The following NUP153 variants were observed in gnomAD, a reference collection of about 807,000 sequenced individuals.
NUP153 encodes the protein nuclear pore complex protein Nup153.
In NUP153, 27 loss-of-function variants were observed where a neutral mutation model predicts 134.6. That is an observed-to-expected ratio of 0.20 (90% confidence interval 0.15 to 0.28). The LOEUF (loss-of-function observed/expected upper bound fraction) is 0.28, where lower values mean the gene tolerates loss of function less well. NUP153 is among the 10% of genes least tolerant of loss of function. The probability of loss-of-function intolerance (pLI) is 1.00; values close to 1 mark genes in which losing one functional copy is unlikely to be tolerated. For synonymous variants in NUP153, 640 were observed against 623.5 expected (o/e 1.03, Z -0.40); for missense variants, 1,821 against 1,731.3 (o/e 1.05, Z -0.92).
At chr6:17,664,627 T>C (rs1044522834) in intron 9 of NUP153, among the ~76,000 whole-genome samples, 1 of 152,170 alleles carries the variant, frequency 6.6e-6, no homozygotes, top group Non-Finnish European at 1.5e-5. Context: ...CAAAAGATAA[T>C]GTCTGAAATT....
chr6:17,701,842 G>GC (rs1554148673), intron 1 of NUP153, among the ~76,000 whole-genome samples: 1 of 102,912 alleles, frequency 9.7e-6, no homozygotes, highest in African/African-American at 3.6e-5. Context: ...CGGGGGGGGG[G>GC]GGAAAAAAGC....
chr6:17,619,227 A>G (rs1437890849), intron 20 of NUP153, among the ~76,000 whole-genome samples: 1 of 152,358 alleles, frequency 6.6e-6, no homozygotes, highest in South Asian at 2.1e-4. Flanking sequence ...ATGATTTCCA[A>G]TCTACATCTA....
At chr6:17,651,850 T>C in intron 11 of NUP153, 1 of 661,082 alleles carries the variant, frequency 1.5e-6, no homozygotes, top group South Asian at 1.6e-5. Context: ...TCTCAGCACT[T>C]TGAGAGGCCA....
rs771188253 is a variant in NUP153 at position 17,646,151 on chromosome 6, C to T, written c.1636G>A (p.Gly546Arg). The T allele has an allele frequency of 2.6e-6, 4 of 1,555,622 alleles. No homozygotes were observed. Among genetic ancestry groups the T allele is most frequent in the Non-Finnish European group, 3.5e-6 (4 of 1,128,094 alleles). ...EANVLPPSSI[G>R]FTFSVPVAKT... ...GCAACAGGCACACTAAATGTAAATC[C>T]AATCTGTAAAGAGAAAGAATATCCT... Residue 546 changes from glycine (G) to arginine (R), a missense_variant, in exon 14 of 22, where the codon GGA becomes AGA. Gly to Arg is a moderately radical substitution (Grantham distance 125). Transcript: ENST00000262077.
intron 11 of NUP153, among the ~76,000 whole-genome samples, chr6:17,658,881 A>C (rs1434000085): frequency 6.6e-6 from 1 of 152,208 alleles, no homozygotes; most frequent in Non-Finnish European, 1.5e-5. Context: ...CTTGCACACA[A>C]AAAAAGGCCA....
intron 1 of NUP153, among the ~76,000 whole-genome samples, chr6:17,696,579 C>T (rs1374480141): frequency 6.6e-6 from 1 of 151,984 alleles, no homozygotes; most frequent in Non-Finnish European, 1.5e-5. Flanking sequence ...CACGGTGAAA[C>T]CCCGTCTCTA....
chr6:17,652,597 AAC>A (rs1766565167), intron 11 of NUP153, among the ~76,000 whole-genome samples: 1 of 152,220 alleles, frequency 6.6e-6, no homozygotes, highest in South Asian at 2.1e-4. Flanking sequence ...TAAAATTTAG[AAC>A]ATCTGCCAAT....
At chr6:17,669,220 AG>A in intron 7 of NUP153, 72 bp downstream of exon 7, 3 of 1,258,350 alleles carry the variant, frequency 2.4e-6, no homozygotes, top group Non-Finnish European at 3.5e-6. Context: ...CTGGGACTAC[AG>A]GTGTGCACCA....
chr6:17,694,419 G>C (rs937032567), intron 1 of NUP153, among the ~76,000 whole-genome samples: 3 of 152,188 alleles, frequency 2.0e-5, no homozygotes, highest in African/African-American at 4.8e-5. Flanking sequence ...AGCACTTCCG[G>C]AGGCCGACGC....
At chr6:17,631,831 G>A (rs1236764746) in intron 17 of NUP153, among the ~76,000 whole-genome samples, 2 of 152,172 alleles carry the variant, frequency 1.3e-5, no homozygotes, top group African/African-American at 2.4e-5. Context: ...GCTAGGCGTG[G>A]TGGCAGGTTC....
chr6:17,621,838 T>C (rs1310986839), intron 20 of NUP153, among the ~76,000 whole-genome samples: 1 of 152,204 alleles, frequency 6.6e-6, no homozygotes, highest in Non-Finnish European at 1.5e-5. Context: ...TTCTGAAATG[T>C]TCCCAACACA....
At chr6:17,624,125 TG>T (rs1444889929) in intron 20 of NUP153, among the ~76,000 whole-genome samples, 1 of 152,212 alleles carries the variant, frequency 6.6e-6, no homozygotes. Context: ...GCAGTTCAAA[TG>T]GAAAGGCTGG....
chr6:17,706,072 C>T lies in NUP153; in HGVS notation c.111+205G>A, dbSNP rs957303361. Among the ~76,000 whole-genome samples the T allele has an allele frequency of 6.6e-6, 1 of 152,212 alleles. No homozygotes were observed. The highest frequency in any genetic ancestry group is 1.5e-5 in the Non-Finnish European group (1 of 68,032). On this transcript the variant is annotated intron_variant, in intron 1 of 21. Transcript: ENST00000262077. This position sits in a 1 kb window ranked among gnomAD's most constrained non-coding sequence, Gnocchi z 5.9. ...GAGTTGGGGGAAAGGCGGCCCAAAC[C>T]ACACGTGTGCGCCGCAAGGCTGGGC...
intron 17 of NUP153, among the ~76,000 whole-genome samples, chr6:17,629,779 A>T (rs1473056958): frequency 6.6e-6 from 1 of 152,210 alleles, no homozygotes; most frequent in Non-Finnish European, 1.5e-5. Context: ...ACTGGCTGCG[A>T]TAAAGTTTGA....
intron 1 of NUP153, among the ~76,000 whole-genome samples, chr6:17,700,199 T>C (rs955556030): frequency 2.0e-5 from 3 of 152,178 alleles, no homozygotes; most frequent in African/African-American, 4.8e-5. Flanking sequence ...AAAAAGATCC[T>C]AAATCAAACA....
In NUP153 at chr6:17,686,746, A is replaced by C. The variant is rs1320187352; in HGVS notation, c.334+1650T>G. 3.9e-5 allele frequency among the ~76,000 whole-genome samples: 6 copies of C among 152,100 alleles called. No homozygotes were observed. In the South Asian group the frequency reaches 6.2e-4, roughly 16 times the overall value. ...TTTTTAAGTTTTTGAAGTAGATATC[A>C]AAATGCTGCCCACAACTTGCTTCTA... On this transcript the variant is annotated intron_variant, in intron 2 of 21. Coordinates refer to ENST00000262077, the MANE Select transcript of NUP153 (RefSeq NM_005124.4).
intron 11 of NUP153, among the ~76,000 whole-genome samples, chr6:17,655,358 ATG>A (rs1766751540): frequency 6.6e-6 from 1 of 152,154 alleles, no homozygotes. Context: ...AGTTAGCATA[ATG>A]TGTTTACATT....
chr6:17,660,972 TAC>T (rs1188370961), intron 11 of NUP153, among the ~76,000 whole-genome samples: 6 of 152,080 alleles, frequency 3.9e-5, no homozygotes, highest in African/African-American at 1.2e-4. Context: ...TTAAAAAACT[TAC>T]AGTTACCTTT....
rs1208091335 is a variant in NUP153, at chr6:17,665,388, T to G, written c.1069-3A>C. ...ACAGGAGGATATTGAGAATCCACCT[T>G]ACAGGTAAAGAGAAATCAAAAACAT... On this transcript the variant is annotated splice_region_variant and splice_polypyrimidine_tract_variant and intron_variant, in intron 8 of 21. Transcript: ENST00000262077. 1 of 1,601,616 alleles carries G rather than the reference T, an allele frequency of 6.2e-7. No homozygotes were observed. Among genetic ancestry groups the G allele is most frequent in the Non-Finnish European group, 8.5e-7 (1 of 1,175,684 alleles).
Sources: allele counts gnomAD v4.1 joint callset (sites outside exome capture counted in the v4.1 genomes callset), GRCh38; gene constraint gnomAD v4.1.1; non-coding constraint Gnocchi (gnomAD v3.1); transcripts MANE v1.5; gene names NCBI Gene and HGNC (gene_info 2026-07-23, HGNC 2026-07-21).